The following ERBB4 variants were observed in gnomAD, a reference collection of about 807,000 sequenced individuals.
ERBB4 encodes erb-b2 receptor tyrosine kinase 4, also known as receptor tyrosine-protein kinase erbB-4.
ERBB4 carries 42 observed loss-of-function variants against 158.0 expected under a neutral mutation model. The observed-to-expected ratio is 0.27, with a 90% CI of 0.21 to 0.34. The LOEUF is 0.34. Among genes scored for constraint, ERBB4 ranks in the 10% least tolerant of loss-of-function variants. The pLI is 1.00. For synonymous variants in ERBB4, 583 were observed against 558.7 expected, an observed-to-expected ratio of 1.04 and a Z score of -0.61; for missense variants, 1,333 against 1,624.1, an observed-to-expected ratio of 0.82 and a Z score of 3.08.
At chr2:212,320,714 T>A (rs115300180) in intron 1 of ERBB4, among the ~76,000 whole-genome samples, 3,760 of 149,988 alleles carry the variant, frequency 0.025, 213 homozygotes, top group Non-Finnish European at 0.039. Flanking sequence ...ACTTTACTCT[T>A]TTTCTCTCTG....
At chr2:211,681,192 A>T (rs2072318573) in intron 12 of ERBB4, among the ~76,000 whole-genome samples, 1 of 152,154 alleles carries the variant, frequency 6.6e-6, no homozygotes, top group South Asian at 2.1e-4. Context: ...TCAATAGTTT[A>T]TTCACTTTTA....
intron 1 of ERBB4, among the ~76,000 whole-genome samples, chr2:212,393,268 C>T (rs1485295937): frequency 6.6e-6 from 1 of 151,920 alleles, no homozygotes; most frequent in African/African-American, 2.4e-5. Flanking sequence ...GTGCCTATTT[C>T]AATAGGGAAG....
intron 4 of ERBB4, among the ~76,000 whole-genome samples, chr2:211,774,112 G>A (rs73069342): frequency 0.15 from 21,749 of 148,978 alleles, 1,780 homozygotes; most frequent in South Asian, 0.33. Flanking sequence ...TCCCTCTGTC[G>A]CCCAGGCTGG....
chr2:212,503,250 C>G (rs1277710128), intron 1 of ERBB4, among the ~76,000 whole-genome samples: 3 of 152,196 alleles, frequency 2.0e-5, no homozygotes, highest in African/African-American at 7.2e-5. Flanking sequence ...TTATTCTTAA[C>G]TACTACAAGT....
chr2:212,040,371 C>T (rs1282684942), intron 2 of ERBB4, among the ~76,000 whole-genome samples: 1 of 151,594 alleles, frequency 6.6e-6, no homozygotes, highest in Admixed American at 6.6e-5. Flanking sequence ...TATTTTTCCT[C>T]ATTTATGTGG....
intron 14 of ERBB4, among the ~76,000 whole-genome samples, chr2:211,668,450 C>G (rs1258154416): frequency 1.3e-5 from 2 of 152,054 alleles, no homozygotes; most frequent in South Asian, 4.1e-4. Context: ...AACCGAGGCA[C>G]AATAAATGAA....
chr2:211,985,251 A>G (rs1475699419), intron 2 of ERBB4, among the ~76,000 whole-genome samples: 1 of 152,166 alleles, frequency 6.6e-6, no homozygotes, highest in Non-Finnish European at 1.5e-5. Context: ...TGAATGTGAT[A>G]GACTGAAGAG....
intron 1 of ERBB4, among the ~76,000 whole-genome samples, chr2:212,515,270 G>C (rs974068474): frequency 6.6e-6 from 1 of 152,066 alleles, no homozygotes; most frequent in Non-Finnish European, 1.5e-5. Flanking sequence ...ATCATATTTA[G>C]CAATTCGTAC....
intron 20 of ERBB4, among the ~76,000 whole-genome samples, chr2:211,528,485 A>G (rs1337041044): frequency 6.6e-6 from 1 of 152,088 alleles, no homozygotes; most frequent in South Asian, 2.1e-4. Context: ...TATTGGAGTG[A>G]ATCTGCTCTA....
chr2:211,862,830 TG>T (rs1490203080), intron 3 of ERBB4, among the ~76,000 whole-genome samples: 6 of 152,356 alleles, frequency 3.9e-5, no homozygotes, highest in African/African-American at 1.2e-4. Context: ...TGAAGCCAGT[TG>T]GACTTCCTGG....
At chr2:211,912,924 C>T (rs901326961) in intron 3 of ERBB4, among the ~76,000 whole-genome samples, 1 of 152,182 alleles carries the variant, frequency 6.6e-6, no homozygotes, top group Non-Finnish European at 1.5e-5. Context: ...TTTTGACAGG[C>T]AGGACTCTTT....
At chr2:211,424,352 A>G (rs758481500) in intron 22 of ERBB4, 51 bp from the exon 23 acceptor site, 1 of 1,297,660 alleles carries the variant, frequency 7.7e-7, no homozygotes, top group Non-Finnish European at 1.1e-6. Flanking sequence ...CATATGTTGA[A>G]CAAACCAGCA....
At chr2:212,438,811 A>C (rs1039353477) in intron 1 of ERBB4, among the ~76,000 whole-genome samples, 6 of 152,128 alleles carry the variant, frequency 3.9e-5, no homozygotes, top group African/African-American at 1.2e-4. Context: ...AAACCAGAAG[A>C]ATGAATGTAT....
intron 16 of ERBB4, among the ~76,000 whole-genome samples, chr2:211,638,942 A>T (rs2070463805): frequency 6.6e-6 from 1 of 152,122 alleles, no homozygotes; most frequent in Non-Finnish European, 1.5e-5. Flanking sequence ...TCTGGCAAAC[A>T]TTCTCATGTT....
intron 18 of ERBB4, among the ~76,000 whole-genome samples, chr2:211,622,835 T>G (rs1430895186): frequency 6.7e-6 from 1 of 149,748 alleles, no homozygotes; most frequent in Non-Finnish European, 1.5e-5. Flanking sequence ...TGGTGGTGAG[T>G]GCCTGTAATC....
intron 5 of ERBB4, among the ~76,000 whole-genome samples, chr2:211,729,889 T>C (rs550804927): frequency 6.6e-6 from 1 of 152,060 alleles, no homozygotes; most frequent in Non-Finnish European, 1.5e-5. Flanking sequence ...CAATTTTCAC[T>C]AGCTTTTTCA....
intron 1 of ERBB4, among the ~76,000 whole-genome samples, chr2:212,176,414 C>T (rs2081664585): frequency 6.6e-6 from 1 of 151,938 alleles, no homozygotes; most frequent in African/African-American, 2.4e-5. Context: ...TACTCACTCT[C>T]CACCCTGTAG....
chr2:212,468,437 CA>C (rs1560411185), intron 1 of ERBB4, among the ~76,000 whole-genome samples: 1 of 152,118 alleles, frequency 6.6e-6, no homozygotes, highest in Non-Finnish European at 1.5e-5. Flanking sequence ...GGGTCTCACA[CA>C]ATCTGATGGT....
chr2:211,523,062 G>A (rs1470267401), intron 20 of ERBB4, among the ~76,000 whole-genome samples: 4 of 150,340 alleles, frequency 2.7e-5, no homozygotes, highest in Admixed American at 1.3e-4. Context: ...AAGAGGATAG[G>A]AAATAACACT....
Sources: allele counts gnomAD v4.1 joint callset (sites outside exome capture counted in the v4.1 genomes callset), GRCh38; gene constraint gnomAD v4.1.1; transcripts MANE v1.5; gene names NCBI Gene and HGNC (gene_info 2026-07-23, HGNC 2026-07-21).